The following HADHA variants were observed in gnomAD, a reference collection of about 807,000 sequenced individuals.
HADHA encodes the protein hydroxyacyl-CoA dehydrogenase trifunctional multienzyme complex subunit alpha.
HADHA carries 59 observed loss-of-function variants against 91.3 expected under a neutral mutation model. The ratio of observed to expected loss-of-function variants is 0.65; its 90% CI spans 0.52 to 0.80. The LOEUF (loss-of-function observed/expected upper bound fraction) is 0.80, where lower values mean the gene tolerates loss of function less well. Ranked by LOEUF, HADHA falls within the 30% of genes least tolerant of loss-of-function variation. The probability of loss-of-function intolerance (pLI) is 0.00; values close to 1 mark genes in which losing one functional copy is unlikely to be tolerated. For synonymous variants in HADHA, 320 were observed against 338.9 expected (o/e 0.94, Z 0.61); for missense variants, 800 against 927.6 (o/e 0.86, Z 1.79).
intron 14 of HADHA, among the ~76,000 whole-genome samples, chr2:26,196,597 C>A (rs917279608): frequency 6.6e-6 from 1 of 152,126 alleles, no homozygotes; most frequent in Non-Finnish European, 1.5e-5. Context: ...TCCTGTATCC[C>A]TTGCTCCCGG....
chr2:26,236,001 C>A (rs972209861), intron 4 of HADHA, among the ~76,000 whole-genome samples: 1 of 152,216 alleles, frequency 6.6e-6, no homozygotes, highest in African/African-American at 2.4e-5. Flanking sequence ...TCCTTCCAGA[C>A]CAACTACGAT....
chr2:26,238,872 C>A lies in HADHA; in HGVS notation c.180+62G>T, dbSNP rs181171427. The A allele has an allele frequency of 6.0e-5, 58 of 967,250 alleles. No homozygotes were observed. The African/African-American group carries it at 8.3e-4, about 14-fold the overall frequency. The allele number at this position is 967,250 out of a possible 1,614,324, so 59.9% of individuals were successfully genotyped here. ...TTGGGGAAATATGGGATACATCTTT[C>A]CCATTCAGGACTAGATTCATAATGC... On this transcript the variant is annotated intron_variant, in intron 3 of 19. Coordinates refer to ENST00000380649, the MANE Select transcript of HADHA (RefSeq NM_000182.5).
In HADHA at chr2:26,229,846, G is replaced by C. The variant is rs1467496751; in HGVS notation, c.676+346C>G. ...AGAGGTTAACTGTTTTTTCTTTTGA[G>C]ATGGGAGTCTGGCTCTGTTGCCCAG... On this transcript the variant is annotated intron_variant, in intron 7 of 19. Coordinates refer to ENST00000380649, the MANE Select transcript of HADHA (RefSeq NM_000182.5). This position sits in a 1 kb window ranked among gnomAD's most constrained non-coding sequence, Gnocchi z 4.3. Among the ~76,000 whole-genome samples the C allele has an allele frequency of 6.6e-6, 1 of 152,098 alleles. No homozygotes were observed. Among genetic ancestry groups the C allele is most frequent in the African/African-American group, 2.4e-5 (1 of 41,436 alleles).
intron 7 of HADHA, among the ~76,000 whole-genome samples, chr2:26,218,210 GA>G (rs1670284346): frequency 6.6e-6 from 1 of 151,560 alleles, no homozygotes; most frequent in Non-Finnish European, 1.5e-5. Flanking sequence ...TGAGATAGGA[GA>G]ATCATTTGAA....
chr2:26,193,330 T>C (rs1421364894), intron 17 of HADHA, among the ~76,000 whole-genome samples: 2 of 131,318 alleles, frequency 1.5e-5, no homozygotes, highest in Non-Finnish European at 3.1e-5. Flanking sequence ...GGCCTCGCCA[T>C]GTTGCCCAGG....
Position 26,232,144 on chromosome 2 carries a change from G to C in HADHA, c.573+16C>G. 6.3e-7 allele frequency: 1 copy of C among 1,598,542 alleles called. No homozygotes were observed. The highest frequency in any genetic ancestry group is 2.2e-5 in the East Asian group (1 of 44,806). ...AAAGAGGGCATATAGCTTCACAAAG[G>C]GGATGTTAGACTCACCATTTTGGGC... On this transcript the variant is annotated intron_variant, in intron 6 of 19. Coordinates refer to ENST00000380649, the MANE Select transcript of HADHA (RefSeq NM_000182.5).
chr2:26,208,342 C>T (rs1396907841), intron 11 of HADHA, among the ~76,000 whole-genome samples: 1 of 152,088 alleles, frequency 6.6e-6, no homozygotes, highest in African/African-American at 2.4e-5. Context: ...ATACTGACTA[C>T]ACAATACCAC....
chr2:26,240,481 G>A (rs1670864592), intron 1 of HADHA, among the ~76,000 whole-genome samples: 1 of 152,148 alleles, frequency 6.6e-6, no homozygotes, highest in Admixed American at 6.5e-5. Context: ...AGTGGGAAGG[G>A]AAGAAGGGGA....
At position 26,195,216 on chromosome 2, in the gene HADHA, T is replaced by A; in HGVS notation, c.1496A>T (p.Tyr499Phe). The A allele has an allele frequency of 6.2e-7, 1 of 1,613,036 alleles. No homozygotes were observed. Among genetic ancestry groups the A allele is most frequent in the Non-Finnish European group, 8.5e-7 (1 of 1,179,164 alleles). The change falls in exon 15 of 20, where the codon TAC becomes TTC. Residue 499 changes from tyrosine to phenylalanine, a missense_variant. By Grantham distance (22) the Tyr-to-Phe change is conservative. Coordinates refer to ENST00000380649, the MANE Select transcript of HADHA (RefSeq NM_000182.5). ...CTGCATCTTGTCCACGGGAGAGAAG[T>A]AGTGCATGCCAATCACCTGGCAAGG... Reference protein sequence around the residue: ...KRPEKVIGMHYFSPVDKMQLL... With the variant: ...KRPEKVIGMHFFSPVDKMQLL...
At chr2:26,239,658 T>C (rs1169891317) in intron 1 of HADHA, among the ~76,000 whole-genome samples, 1 of 150,516 alleles carries the variant, frequency 6.6e-6, no homozygotes, top group Non-Finnish European at 1.5e-5. Flanking sequence ...CAGTTCCTTA[T>C]GGAAAGGGAA....
At chr2:26,237,820 T>C (rs1670797785) in intron 3 of HADHA, among the ~76,000 whole-genome samples, 1 of 152,234 alleles carries the variant, frequency 6.6e-6, no homozygotes, top group Admixed American at 6.5e-5. Flanking sequence ...ATATATTACT[T>C]TTGTGTTCAG....
Position 26,236,911 on chromosome 2 carries a change from T to C in HADHA, c.258A>G (p.Arg86=), listed in dbSNP as rs749247162. 2 of 1,609,450 alleles carry C rather than the reference T, an allele frequency of 1.2e-6. No homozygotes were observed. The highest frequency in any genetic ancestry group is 3.3e-5 in the Admixed American group (2 of 60,008). The change falls in exon 4 of 20, where the codon AGA becomes AGG. Residue 86 remains arginine, a synonymous_variant. Coordinates refer to ENST00000380649, the MANE Select transcript of HADHA (RefSeq NM_000182.5). ...GCTTTGATGAGATAAGGACGGCACT[T>C]CTGATTTGATCACTAGCCCAGATTT... is the stretch of plus-strand genomic sequence containing the variant. ...MNEIWASDQI[R]SAVLISSKPG... is the part of the protein sequence containing the mutation.
chr2:26,196,783 G>A (rs1041565385), intron 14 of HADHA, among the ~76,000 whole-genome samples: 1 of 152,174 alleles, frequency 6.6e-6, no homozygotes, highest in Non-Finnish European at 1.5e-5. Flanking sequence ...GAACAGCAAC[G>A]GCATCGCCTG....
At chr2:26,204,040 C>CAA in intron 12 of HADHA, 22 bp downstream of exon 12, 1 of 1,611,860 alleles carries the variant, frequency 6.2e-7, no homozygotes. Flanking sequence ...CTAACTCTTG[C>CAA]AAAGAGAGAG....
intron 7 of HADHA, among the ~76,000 whole-genome samples, chr2:26,217,168 G>C (rs922246387): frequency 6.6e-6 from 1 of 151,770 alleles, no homozygotes; most frequent in Non-Finnish European, 1.5e-5. Flanking sequence ...ACCAGACTCG[G>C]CAAGACCCCG....
chr2:26,205,178 G>A (rs894967840), intron 11 of HADHA, among the ~76,000 whole-genome samples: 2 of 152,020 alleles, frequency 1.3e-5, no homozygotes, highest in African/African-American at 4.8e-5. Flanking sequence ...CTATAGTTCT[G>A]GAATAATTTG....
chr2:26,229,584 C>T lies in HADHA; in HGVS notation c.676+608G>A, dbSNP rs1316146762. On this transcript the variant is annotated intron_variant, in intron 7 of 19. Transcript: ENST00000380649. This position sits in a 1 kb window ranked among gnomAD's most constrained non-coding sequence, Gnocchi z 4.3. ...TGTTTCATTTATTATATTACTAAAA[C>T]AGACACAAGAAACTGAAGGAAGGTT... Among the ~76,000 whole-genome samples the T allele has an allele frequency of 6.6e-6, 1 of 151,972 alleles. No homozygotes were observed. Among genetic ancestry groups the T allele is most frequent in the African/African-American group, 2.4e-5 (1 of 41,374 alleles).
At chr2:26,198,689 A>G (rs976255415) in intron 13 of HADHA, among the ~76,000 whole-genome samples, 5 of 151,988 alleles carry the variant, frequency 3.3e-5, no homozygotes, top group Admixed American at 6.5e-5. Context: ...AAAGAACTGT[A>G]TAGGTACTTG....
chr2:26,219,073 C>T (rs1197310794), intron 7 of HADHA, among the ~76,000 whole-genome samples: 1 of 150,750 alleles, frequency 6.6e-6, no homozygotes, highest in Non-Finnish European at 1.5e-5. Flanking sequence ...ACTGTAAAAC[C>T]CCAGAGCAAC....
Sources: allele counts gnomAD v4.1 joint callset (sites outside exome capture counted in the v4.1 genomes callset), GRCh38; gene constraint gnomAD v4.1.1; non-coding constraint Gnocchi (gnomAD v3.1); transcripts MANE v1.5; gene names NCBI Gene and HGNC (gene_info 2026-07-23, HGNC 2026-07-21).